The following UNC13B variants were observed in gnomAD, a reference collection of about 807,000 sequenced individuals.
UNC13B encodes unc-13 homolog B.
UNC13B carries 144 observed loss-of-function variants against 211.0 expected under a neutral mutation model. The observed-to-expected ratio is 0.68, with a 90% CI of 0.60 to 0.78. The LOEUF is 0.78. Ranked by LOEUF, UNC13B falls within the 30% of genes least tolerant of loss-of-function variation. The probability of loss-of-function intolerance (pLI) is 0.00; values close to 1 mark genes in which losing one functional copy is unlikely to be tolerated. For missense variants in UNC13B, 1,777 were observed against 2,002.0 expected (o/e 0.89, Z 2.14); for synonymous variants, 709 against 725.8 (o/e 0.98, Z 0.37).
At chr9:35,170,187 A>G (rs1270239217) in intron 1 of UNC13B, among the ~76,000 whole-genome samples, 1 of 151,758 alleles carries the variant, frequency 6.6e-6, no homozygotes, top group Non-Finnish European at 1.5e-5. Context: ...TGTTTTTGAG[A>G]TGGAGTCTCG....
At chr9:35,212,527 T>A (rs1291162305) in intron 1 of UNC13B, among the ~76,000 whole-genome samples, 2 of 152,158 alleles carry the variant, frequency 1.3e-5, no homozygotes, top group African/African-American at 4.8e-5. Context: ...GAGCTGAGAT[T>A]GTGCCACTGC....
chr9:35,215,518 GT>G (rs1264512757), intron 1 of UNC13B, among the ~76,000 whole-genome samples: 1 of 152,198 alleles, frequency 6.6e-6, no homozygotes, highest in Admixed American at 6.5e-5. Context: ...ACAATAGGAT[GT>G]AAAGCAGAAA....
chr9:35,264,055 A>C (rs1587498374), intron 7 of UNC13B, among the ~76,000 whole-genome samples: 1 of 152,216 alleles, frequency 6.6e-6, no homozygotes, highest in East Asian at 1.9e-4. Context: ...ATACCAAAAA[A>C]TTTGCAAGTA....
At chr9:35,234,710 A>T (rs935328988) in intron 3 of UNC13B, among the ~76,000 whole-genome samples, 2 of 152,212 alleles carry the variant, frequency 1.3e-5, no homozygotes, top group African/African-American at 4.8e-5. Context: ...TGCTCAGGAA[A>T]TGCTAATTAA....
At chr9:35,239,316 G>C (rs944985302) in intron 5 of UNC13B, among the ~76,000 whole-genome samples, 1 of 152,112 alleles carries the variant, frequency 6.6e-6, no homozygotes, top group African/African-American at 2.4e-5. Context: ...GTCCAGGGGA[G>C]ACGTCACATG....
chr9:35,339,520 G>C (rs1385525357), intron 11 of UNC13B, among the ~76,000 whole-genome samples: 3 of 152,224 alleles, frequency 2.0e-5, no homozygotes, highest in East Asian at 3.8e-4. Context: ...AAGGGGCCAT[G>C]CTCTTTTACA....
rs572496372 is a variant in UNC13B, at chr9:35,212,516, T to G, written c.23-15499T>G. 3.3e-4 allele frequency among the ~76,000 whole-genome samples: 50 copies of G among 152,290 alleles called. 1 individual carries two copies. The highest frequency in any genetic ancestry group is 1.1e-3 in the African/African-American group (46 of 41,558). The stretch of plus-strand genomic sequence containing the variant: ...TCAACCCAGGAGGTGGAGATTGCAG[T>G]GAGCTGAGATTGTGCCACTGCACTC... On this transcript the variant is annotated intron_variant, in intron 1 of 39. Transcript: ENST00000635942.
intron 11 of UNC13B, chr9:35,364,601 T>A (rs1361306794): frequency 1.3e-6 from 2 of 1,534,880 alleles, no homozygotes. Context: ...CGTCCTTTTT[T>A]GTCTATTTCC....
intron 24 of UNC13B, 114 bp downstream of exon 24, chr9:35,386,407 GGTGA>G: frequency 7.0e-7 from 1 of 1,421,156 alleles, no homozygotes; most frequent in Non-Finnish European, 9.5e-7. Context: ...TGTTCTCAAG[GGTGA>G]GTGAGTTGTG....
chr9:35,201,080 T>C (rs893616717), intron 1 of UNC13B, among the ~76,000 whole-genome samples: 11 of 152,132 alleles, frequency 7.2e-5, no homozygotes, highest in African/African-American at 2.4e-4. Flanking sequence ...CTTTTCTGCA[T>C]CTATTGAGAT....
chr9:35,303,188 T>A lies in UNC13B; in HGVS notation c.3784T>A (p.Ser1262Thr). Residue 1262 changes from serine (S) to threonine (T), a missense_variant, in exon 9 of 40, where the codon TCT becomes ACT. Physicochemically the swap from Ser to Thr is moderately conservative, Grantham distance 58 (BLOSUM62 1). Transcript: ENST00000635942. ...ATTACCTAAAGAAAACATACCATTA[T>A]CTGATGCTGGGGATGATAATCATTA... ...SLLPKENIPLSDAGDDNHYCS... is the reference protein window; with the variant it reads ...SLLPKENIPLTDAGDDNHYCS... The A allele has an allele frequency of 2.5e-6, 1 of 398,680 alleles. No individual in the cohort carries two copies. Among genetic ancestry groups the A allele is most frequent in the East Asian group, 3.6e-5 (1 of 28,062 alleles). 24.7% of individuals were successfully genotyped at this position (398,680 alleles called of 1,614,324 possible).
In UNC13B at chr9:35,310,676, A is replaced by G; in HGVS notation, c.9218A>G (p.Glu3073Gly). The change falls in exon 10 of 40, where the codon GAG (glutamate) becomes GGG (glycine). Residue 3073 changes from glutamate (E) to glycine (G), a missense_variant. Physicochemically the swap from Glu to Gly is moderately conservative, Grantham distance 98. Transcript: ENST00000635942. ...CCCTTGGAGGTGACAGGTCAAGCAG[A>G]GAAGGAGGCAGCATGTGAACCCAAG... ...EKPLEVTGQAEKEAACEPKEM... is the reference protein window; with the variant it reads ...EKPLEVTGQAGKEAACEPKEM... 6.2e-7 allele frequency: 1 copy of G among 1,613,974 alleles called. No individual in the cohort carries two copies. The highest frequency in any genetic ancestry group is 8.5e-7 in the Non-Finnish European group (1 of 1,179,976).
At chr9:35,202,814 A>T in intron 1 of UNC13B, among the ~76,000 whole-genome samples, 1 of 141,754 alleles carries the variant, frequency 7.1e-6, no homozygotes, top group Non-Finnish European at 1.5e-5. Flanking sequence ...TTTTTTTGAG[A>T]CAGAGTCTCG....
chr9:35,293,440 A>G (rs976882829), intron 7 of UNC13B, among the ~76,000 whole-genome samples: 1 of 152,108 alleles, frequency 6.6e-6, no homozygotes, highest in African/African-American at 2.4e-5. Context: ...GCCTCCTTGG[A>G]GACTGAATCT....
chr9:35,303,685 A>T lies in UNC13B; in HGVS notation c.4281A>T (p.Pro1427=). 1 of 398,800 alleles carries T rather than the reference A, an allele frequency of 2.5e-6. No homozygotes were observed. Among genetic ancestry groups the T allele is most frequent in the Non-Finnish European group, 4.4e-6 (1 of 225,844 alleles). The allele number at this position is 398,800 out of a possible 1,614,324, so 24.7% of individuals were successfully genotyped here. The change falls in exon 9 of 40, where the codon CCA becomes CCT. Residue 1427 remains proline (P), a synonymous_variant. Coordinates refer to ENST00000635942, the MANE Select transcript of UNC13B (RefSeq NM_001371189.2). ...NPNSVIWCDL[P]YESFNQLAFN... The stretch of plus-strand genomic sequence containing the variant: ...ACAGTGTCATTTGGTGTGACTTACC[A>T]TATGAATCATTCAATCAGTTAGCAT...
intron 11 of UNC13B, chr9:35,342,240 T>C: frequency 1.0e-6 from 1 of 985,802 alleles, no homozygotes; most frequent in Non-Finnish European, 1.2e-6. Flanking sequence ...TGCTCCTGGA[T>C]GGATTTCCTC....
intron 6 of UNC13B, among the ~76,000 whole-genome samples, chr9:35,257,277 G>T (rs1408318174): frequency 7.3e-6 from 1 of 137,408 alleles, no homozygotes; most frequent in African/African-American, 2.7e-5. Context: ...TGGCCAACGT[G>T]GTGAAACCCC....
intron 36 of UNC13B, 92 bp from the exon 37 acceptor site, chr9:35,400,191 AACAGCCTATTCTC>A: frequency 6.7e-7 from 1 of 1,493,338 alleles, no homozygotes; most frequent in Admixed American, 2.0e-5. Flanking sequence ...GGTGTTCCTG[AACAGCCTATTCTC>A]ACAGTCCTCT....
chr9:35,317,518 CTTTTTTT>C (rs748345363), intron 11 of UNC13B, among the ~76,000 whole-genome samples: 2 of 97,666 alleles, frequency 2.0e-5, no homozygotes, highest in African/African-American at 8.7e-5. Context: ...GCTAAAGAAG[CTTTTTTT>C]TTTTTTTTTT....
Sources: gnomAD v4.1 joint callset for allele counts (sites outside exome capture counted in the v4.1 genomes callset) on GRCh38, gnomAD v4.1.1 for gene constraint, MANE v1.5 for transcripts, NCBI Gene and HGNC (gene_info 2026-07-23, HGNC 2026-07-21) for gene names.